Variants in LTBP3 observed in about 807,000 individuals in gnomAD.
The protein encoded by LTBP3 is latent transforming growth factor beta binding protein 3.
In LTBP3, 97 loss-of-function variants were observed where a neutral mutation model predicts 159.7. The observed-to-expected ratio is 0.61, with a 90% confidence interval of 0.52 to 0.72. The LOEUF is 0.72. Among genes scored for constraint, LTBP3 ranks in the 30% least tolerant of loss-of-function variants. The pLI is 0.00. For synonymous variants in LTBP3, 824 were observed against 777.1 expected, an observed-to-expected ratio of 1.06 and a Z score of -1.00; for missense variants, 1,584 against 1,864.3, an observed-to-expected ratio of 0.85 and a Z score of 2.77.
Position 65,539,996 on chromosome 11 carries a change from C to G in LTBP3, c.3385+17G>C. Reference sequence around the variant, plus strand: ...GACAGGGCCCCGGGATCGGCCAAGGCCAACCCTCGCCCTCACCGGCCGGGC... The same window carrying G: ...GACAGGGCCCCGGGATCGGCCAAGGGCAACCCTCGCCCTCACCGGCCGGGC... On this transcript the variant is annotated intron_variant, in intron 24 of 27. Transcript: ENST00000301873. The G allele has an allele frequency of 6.8e-7, 1 of 1,480,370 alleles. No individual in the cohort carries two copies. Among genetic ancestry groups the G allele is most frequent in the Non-Finnish European group, 8.9e-7 (1 of 1,121,804 alleles). The allele number at this position is 1,480,370 out of a possible 1,614,324, so 91.7% of individuals were successfully genotyped here. A position where few individuals can be genotyped will look rare whatever the true frequency, so the allele number is the denominator to read the frequency against.
At position 65,552,215 on chromosome 11, in the gene LTBP3, A is replaced by G; in HGVS notation, c.1345+33T>C. 6.2e-7 allele frequency: 1 copy of G among 1,614,148 alleles called. No individual in the cohort carries two copies. The highest frequency in any genetic ancestry group is 8.5e-7 in the Non-Finnish European group (1 of 1,180,000). On this transcript the variant is annotated intron_variant, in intron 7 of 27. Coordinates refer to ENST00000301873, the MANE Select transcript of LTBP3 (RefSeq NM_001130144.3). This position sits in a 1 kb window ranked among gnomAD's most constrained non-coding sequence, Gnocchi z 6.0. ...ATTTCCTGGACAGGTGCATGGACCT[A>G]TGAACCCCTATCCCCGGGTAACCCT... is the stretch of plus-strand genomic sequence containing the variant.
rs1856417184 is a variant in LTBP3, at chr11:65,547,356, A to T, written c.2107+83T>A. 6.6e-7 allele frequency: 1 copy of T among 1,518,028 alleles called. No homozygotes were observed. The highest frequency in any genetic ancestry group is 1.4e-5 in the African/African-American group (1 of 71,442). The allele number at this position is 1,518,028 out of a possible 1,614,324, so 94.0% of individuals were successfully genotyped here. A position where few individuals can be genotyped will look rare whatever the true frequency, so the allele number is the denominator to read the frequency against. ...GAGACTCCGTCTCGGGGGAAAAAAA[A>T]AAAAATGCAGGCACCCCAGCCCCAC... On this transcript the variant is annotated intron_variant, in intron 14 of 27. Coordinates refer to ENST00000301873, the MANE Select transcript of LTBP3 (RefSeq NM_001130144.3). The surrounding 1 kb of genome is among the most constrained non-coding windows in gnomAD (Gnocchi z 4.6).
At chr11:65,555,129 T>C (rs1216026790) in intron 1 of LTBP3, among the ~76,000 whole-genome samples, 12 of 152,128 alleles carry the variant, frequency 7.9e-5, no homozygotes, top group African/African-American at 2.9e-4. Flanking sequence ...CCCATGAACC[T>C]GCCTCCCCTC....
At chr11:65,548,257 G>T (rs891455813) in intron 11 of LTBP3, 4 of 689,086 alleles carry the variant, frequency 5.8e-6, no homozygotes, top group African/African-American at 1.8e-5. Flanking sequence ...CCTGACAGCC[G>T]TATCACCCCA....
At chr11:65,548,238 C>T (rs1856465136) in intron 11 of LTBP3, 193 bp from the exon 12 acceptor site, 1 of 763,672 alleles carries the variant, frequency 1.3e-6, no homozygotes, top group Admixed American at 2.2e-5. Flanking sequence ...CAAACTAGGA[C>T]TCCAGGCCCC....
chr11:65,554,268 A>G lies in LTBP3; in HGVS notation c.444T>C (p.Gly148=). 6.2e-7 allele frequency: 1 copy of G among 1,610,200 alleles called. No individual in the cohort carries two copies. Among genetic ancestry groups the G allele is most frequent in the East Asian group, 2.2e-5 (1 of 44,754 alleles). The stretch of plus-strand genomic sequence containing the variant: ...CGGGGCCTGAGCCGCCGGTACCCCC[A>G]CCGGCTCCTCCTGCGGGCACCTGGC... The part of the protein sequence containing the change: ...RFCQVPAGGA[G]GGTGGSGPGL... Residue 148 remains glycine (G), a synonymous_variant, in exon 2 of 28, where the codon GGT becomes GGC. Transcript: ENST00000301873. The surrounding 1 kb of genome is among the most constrained non-coding windows in gnomAD (Gnocchi z 5.3).
At chr11:65,541,060 T>C in intron 20 of LTBP3, 66 bp downstream of exon 20, 3 of 1,587,474 alleles carry the variant, frequency 1.9e-6, no homozygotes, top group Non-Finnish European at 2.6e-6. Context: ...GGGGGCGCCA[T>C]TTCCCACATT....
Position 65,552,033 on chromosome 11 carries a change from G to A in LTBP3, c.1470C>T (p.Pro490=). ...LFLHPDGPPK[P]QQLPESPSQA... ...GGCTAGGGCTCTCCGGAAGCTGCTG[G>A]GGCTTGGGTGGCCCGTCAGGGTGCA... Residue 490 remains proline (P), a synonymous_variant, in exon 8 of 28, where the codon CCC becomes CCT. Coordinates refer to ENST00000301873, the MANE Select transcript of LTBP3 (RefSeq NM_001130144.3). The surrounding 1 kb of genome is among the most constrained non-coding windows in gnomAD (Gnocchi z 6.0). The A allele has an allele frequency of 6.2e-7, 1 of 1,614,094 alleles. No homozygotes were observed. Among genetic ancestry groups the A allele is most frequent in the Admixed American group, 1.7e-5 (1 of 60,020 alleles).
Position 65,539,705 on chromosome 11 carries a change from C to A in LTBP3, c.3547+15G>T. On this transcript the variant is annotated intron_variant, in intron 25 of 27. Coordinates refer to ENST00000301873, the MANE Select transcript of LTBP3 (RefSeq NM_001130144.3). ...CCATCCTCGCTCCCGGCCAACTCCT[C>A]CCCGACTGCCTTACCCGCGCCGCGC... 6.4e-7 allele frequency: 1 copy of A among 1,562,188 alleles called. No homozygotes were observed. The highest frequency in any genetic ancestry group is 8.6e-7 in the Non-Finnish European group (1 of 1,160,902).
In LTBP3 at chr11:65,554,218, G is replaced by A; in HGVS notation, c.494C>T (p.Ser165Phe). Reference sequence around the variant, plus strand: ...AGCCAGGGGCGGCAGCGCCCCTGTGGACAGGGCCCCTGTCCTGCTCAGGCC... The same window carrying A: ...AGCCAGGGGCGGCAGCGCCCCTGTGAACAGGGCCCCTGTCCTGCTCAGGCC... ...GPGLSRTGAL[S>F]TGALPPLAPE... The change falls in exon 2 of 28, where the codon TCC becomes TTC. Residue 165 changes from serine to phenylalanine, a missense_variant. Coordinates refer to ENST00000301873, the MANE Select transcript of LTBP3 (RefSeq NM_001130144.3). The surrounding 1 kb of genome is among the most constrained non-coding windows in gnomAD (Gnocchi z 5.3). The A allele has an allele frequency of 6.2e-7, 1 of 1,610,380 alleles. No homozygotes were observed. The highest frequency in any genetic ancestry group is 1.1e-5 in the South Asian group (1 of 91,042).
intron 11 of LTBP3, among the ~76,000 whole-genome samples, chr11:65,550,423 A>G (rs929721420): frequency 4.0e-5 from 6 of 151,884 alleles, no homozygotes; most frequent in African/African-American, 1.2e-4. Context: ...ATCTCAAAAA[A>G]TAAAAAATAA....
chr11:65,547,359 A>T lies in LTBP3; in HGVS notation c.2107+80T>A, dbSNP rs58621819. 0.19 allele frequency: 294,678 copies of T among 1,515,820 alleles called. 30,749 individuals carry two copies. Among genetic ancestry groups the T allele is most frequent in the Middle Eastern group, 0.26 (1,416 of 5,472 alleles). The allele number at this position is 1,515,820 out of a possible 1,614,324, so 93.9% of individuals were successfully genotyped here. A position where few individuals can be genotyped will look rare whatever the true frequency, so the allele number is the denominator to read the frequency against. Reference sequence around the variant, plus strand: ...ACTCCGTCTCGGGGGAAAAAAAAAAAAATGCAGGCACCCCAGCCCCACCCC... The same window carrying T: ...ACTCCGTCTCGGGGGAAAAAAAAAATAATGCAGGCACCCCAGCCCCACCCC... On this transcript the variant is annotated intron_variant, in intron 14 of 27. Transcript: ENST00000301873. The surrounding 1 kb of genome is among the most constrained non-coding windows in gnomAD (Gnocchi z 4.6).
At chr11:65,550,893 C>G (rs1856581058) in intron 11 of LTBP3, among the ~76,000 whole-genome samples, 1 of 152,210 alleles carries the variant, frequency 6.6e-6, no homozygotes, top group Non-Finnish European at 1.5e-5. Flanking sequence ...AGACCTGTAA[C>G]ACTAATAAGT....
chr11:65,546,357 CACT>C lies in LTBP3; in HGVS notation c.2353+82_2353+84del. ...GGGGATGAATGAGCCACCTTCCACC[CACT>C]GTTTACAGACAGCGTGACCCGCTCC... is the stretch of plus-strand genomic sequence containing the variant. On this transcript the variant is annotated intron_variant, in intron 16 of 27. Coordinates refer to ENST00000301873, the MANE Select transcript of LTBP3 (RefSeq NM_001130144.3). This position sits in a 1 kb window ranked among gnomAD's most constrained non-coding sequence, Gnocchi z 4.0. 2 of 1,418,320 alleles carry C rather than the reference CACT, an allele frequency of 1.4e-6. No individual in the cohort carries two copies. Among genetic ancestry groups the C allele is most frequent in the Non-Finnish European group, 1.9e-6 (2 of 1,079,690 alleles). The allele number at this position is 1,418,320 out of a possible 1,614,324, so 87.9% of individuals were successfully genotyped here.
At position 65,539,832 on chromosome 11, in the gene LTBP3, G is replaced by A. The variant is rs534239532; in HGVS notation, c.3435C>T (p.Asp1145=). 605 of 1,527,258 alleles carry A rather than the reference G, an allele frequency of 4.0e-4. 3 individuals are homozygous for A. The highest frequency in any genetic ancestry group is 8.5e-5 in the Non-Finnish European group (97 of 1,143,932). 94.6% of individuals were successfully genotyped at this position (1,527,258 alleles called of 1,614,324 possible). ...RDVCWSQRGE[D]GMCAGPLAGP... ...CGGCCAGGGGGCCAGCGCACATGCC[G>A]TCCTCTCCGCGCTGGCTCCAGCACA... The change falls in exon 25 of 28, where the codon GAC becomes GAT. Residue 1145 remains aspartate, a synonymous_variant. Transcript: ENST00000301873.
intron 1 of LTBP3, among the ~76,000 whole-genome samples, chr11:65,555,646 G>C (rs1418712573): frequency 6.6e-6 from 1 of 152,182 alleles, no homozygotes; most frequent in Non-Finnish European, 1.5e-5. Context: ...CAGGGGGTTC[G>C]GGGGAATGAA....
chr11:65,540,451 C>A (rs991546918), intron 22 of LTBP3, 35 bp downstream of exon 22: 2 of 1,611,670 alleles, frequency 1.2e-6, no homozygotes, highest in African/African-American at 2.7e-5. Flanking sequence ...TGTCTCCCTG[C>A]CGCTTCCCCA....
In LTBP3 at chr11:65,547,909, C is replaced by T. The variant is rs1204206607; in HGVS notation, c.1846+11G>A. On this transcript the variant is annotated intron_variant, in intron 12 of 27. Transcript: ENST00000301873. This position sits in a 1 kb window ranked among gnomAD's most constrained non-coding sequence, Gnocchi z 4.6. ...ACCCACCTGCATGCCCGCCGCCTGC[C>T]CTGCGCTCACCCACGCAGTAGCGGT... The T allele has an allele frequency of 6.2e-7, 1 of 1,613,572 alleles. No homozygotes were observed. Among genetic ancestry groups the T allele is most frequent in the East Asian group, 2.2e-5 (1 of 44,862 alleles).
chr11:65,551,104 G>A, intron 11 of LTBP3, 22 bp downstream of exon 11: 4 of 1,545,984 alleles, frequency 2.6e-6, no homozygotes, highest in Non-Finnish European at 3.5e-6. Flanking sequence ...AGGCAGGGGT[G>A]GCTTTGCTGG....
Sources: gnomAD v4.1 joint callset for allele counts (sites outside exome capture counted in the v4.1 genomes callset) on GRCh38, gnomAD v4.1.1 for gene constraint, Gnocchi (gnomAD v3.1) non-coding constraint, MANE v1.5 for transcripts, NCBI Gene and HGNC (gene_info 2026-07-23, HGNC 2026-07-21) for gene names.